The following CREBBP variants were observed in gnomAD, a reference collection of about 807,000 sequenced individuals.
CREBBP encodes the protein CREB binding lysine acetyltransferase.
CREBBP carries 19 observed loss-of-function variants against 265.0 expected under a neutral mutation model. The ratio of observed to expected loss-of-function variants is 0.07; its 90% CI spans 0.05 to 0.11. The LOEUF (loss-of-function observed/expected upper bound fraction) is 0.11, where lower values mean the gene tolerates loss of function less well. Ranked by LOEUF, CREBBP falls within the 10% of genes least tolerant of loss-of-function variation. The pLI is 1.00. For missense variants in CREBBP, 2,525 were observed against 3,219.0 expected (o/e 0.78, Z 5.22); for synonymous variants, 1,457 against 1,223.7 (o/e 1.19, Z -3.98).
chr16:3,780,313 C>T (rs911051432), intron 8 of CREBBP, among the ~76,000 whole-genome samples: 2 of 150,380 alleles, frequency 1.3e-5, no homozygotes, highest in Admixed American at 1.3e-4. Context: ...GTGATAATGA[C>T]ATGCCATCTA....
intron 21 of CREBBP, among the ~76,000 whole-genome samples, chr16:3,746,515 A>G (rs1179213373): frequency 6.6e-6 from 1 of 152,004 alleles, no homozygotes; most frequent in African/African-American, 2.4e-5. Context: ...GTCTTTGACA[A>G]CTCAGCCACT....
At chr16:3,863,941 A>G (rs796265095) in intron 1 of CREBBP, among the ~76,000 whole-genome samples, 4 of 152,286 alleles carry the variant, frequency 2.6e-5, no homozygotes, top group African/African-American at 9.6e-5. Context: ...GTTTACCACC[A>G]CCACAGCTGA....
chr16:3,789,982 G>A (rs970945312), intron 5 of CREBBP, among the ~76,000 whole-genome samples: 3 of 151,956 alleles, frequency 2.0e-5, no homozygotes, highest in African/African-American at 7.3e-5. Context: ...AACTGTCATG[G>A]TAGTATGTAC....
intron 14 of CREBBP, 44 bp from the exon 15 acceptor site, chr16:3,769,397 A>G: frequency 6.2e-7 from 1 of 1,610,338 alleles, no homozygotes; most frequent in Admixed American, 1.7e-5. Flanking sequence ...GCAAGGTAAC[A>G]TAAATGATCT....
rs1247549663 is a variant in CREBBP, at chr16:3,769,373, A to G, written c.2881-20T>C. 3 of 1,614,158 alleles carry G rather than the reference A, an allele frequency of 1.9e-6. No homozygotes were observed. The highest frequency in any genetic ancestry group is 2.2e-5 in the East Asian group (1 of 44,890). Reference sequence around the variant, plus strand: ...GGAAAGCTGTGAAAAAACCGAAAGCACTGACTTCAGTAAGCAAGGTAACAT... The same window carrying G: ...GGAAAGCTGTGAAAAAACCGAAAGCGCTGACTTCAGTAAGCAAGGTAACAT... On this transcript the variant is annotated intron_variant, in intron 14 of 30. Coordinates refer to ENST00000262367, the MANE Select transcript of CREBBP (RefSeq NM_004380.3).
intron 23 of CREBBP, chr16:3,743,686 T>A (rs1367893823): frequency 6.6e-6 from 1 of 152,232 alleles, no homozygotes; most frequent in Non-Finnish European, 1.5e-5. Context: ...AAGGCCAGCC[T>A]GGCGCGTCAA....
intron 2 of CREBBP, among the ~76,000 whole-genome samples, chr16:3,817,060 G>A (rs2054050089): frequency 6.6e-6 from 1 of 152,332 alleles, no homozygotes; most frequent in Admixed American, 6.5e-5. Flanking sequence ...GGAGTGGACA[G>A]CTACTTTCCC....
chr16:3,779,156 G>T (rs1442089069), intron 8 of CREBBP, among the ~76,000 whole-genome samples: 1 of 148,546 alleles, frequency 6.7e-6, no homozygotes, highest in Non-Finnish European at 1.5e-5. Context: ...GACAGAGTCA[G>T]ACTCCATACC....
At chr16:3,832,957 T>C (rs2054371965) in intron 2 of CREBBP, among the ~76,000 whole-genome samples, 1 of 151,696 alleles carries the variant, frequency 6.6e-6, no homozygotes, top group African/African-American at 2.4e-5. Context: ...AATTCAGTAA[T>C]CGCTTATGAT....
chr16:3,761,869 T>C (rs577048351), intron 16 of CREBBP, among the ~76,000 whole-genome samples: 16 of 152,356 alleles, frequency 1.1e-4, no homozygotes, highest in East Asian at 1.9e-4. Context: ...AAAACAATTA[T>C]GTAACAAATA....
intron 2 of CREBBP, among the ~76,000 whole-genome samples, chr16:3,841,449 G>GGT (rs1280547659): frequency 6.6e-6 from 1 of 151,898 alleles, no homozygotes; most frequent in African/African-American, 2.4e-5. Flanking sequence ...TACAAATAAA[G>GGT]GTGTATATAA....
intron 5 of CREBBP, 87 bp downstream of exon 5, chr16:3,791,893 CT>C (rs2053516237): frequency 8.7e-7 from 1 of 1,153,288 alleles, no homozygotes. Flanking sequence ...CTCATAACCC[CT>C]GCCCACTCCC....
chr16:3,784,193 C>A (rs1002586961), intron 5 of CREBBP, among the ~76,000 whole-genome samples: 2 of 152,176 alleles, frequency 1.3e-5, no homozygotes, highest in African/African-American at 4.8e-5. Flanking sequence ...AATATTCTCA[C>A]ATTCAACCAT....
intron 13 of CREBBP, among the ~76,000 whole-genome samples, chr16:3,772,904 T>A (rs2053047299): frequency 1.2e-5 from 1 of 84,002 alleles, no homozygotes. Flanking sequence ...ATCCCGTCTC[T>A]ACTAAAAATA....
intron 3 of CREBBP, among the ~76,000 whole-genome samples, chr16:3,802,787 C>G (rs1034679485): frequency 6.6e-6 from 1 of 152,118 alleles, no homozygotes; most frequent in Non-Finnish European, 1.5e-5. Flanking sequence ...GCTGCTCGTC[C>G]TCAACCTTCC....
chr16:3,827,724 T>C (rs1314274688), intron 2 of CREBBP, among the ~76,000 whole-genome samples: 1 of 152,054 alleles, frequency 6.6e-6, no homozygotes, highest in Non-Finnish European at 1.5e-5. Context: ...ACAGGGTCTC[T>C]CTGTAGCCCA....
intron 2 of CREBBP, among the ~76,000 whole-genome samples, chr16:3,832,103 A>G (rs912689728): frequency 3.3e-5 from 5 of 152,178 alleles, no homozygotes; most frequent in African/African-American, 4.8e-5. Context: ...ACTCAAAAAT[A>G]CAAATTACCA....
chr16:3,766,501 AAATGAACT>A (rs571415793), intron 16 of CREBBP, among the ~76,000 whole-genome samples: 1 of 152,290 alleles, frequency 6.6e-6, no homozygotes, highest in South Asian at 2.1e-4. Flanking sequence ...AGACTATTTT[AAATGAACT>A]AAATATTTAA....
rs1291986650 is a variant in CREBBP at position 3,879,221 on chromosome 16, AAC to A, written c.85+609_85+610del. Among the ~76,000 whole-genome samples the A allele has an allele frequency of 4.0e-4, 36 of 89,406 alleles. No homozygotes were observed. The Middle Eastern group carries it at 0.016, about 40-fold the overall frequency. 58.7% of individuals were successfully genotyped at this position (89,406 alleles called of 152,430 possible). On this transcript the variant is annotated intron_variant, in intron 1 of 30. Transcript: ENST00000262367. Reference sequence around the variant, plus strand: ...AAAATGGAATGACTAGTTGACTAAAAACACACACGCGCGCACACACACACACA... The same window carrying A: ...AAAATGGAATGACTAGTTGACTAAAAACACACGCGCGCACACACACACACA...
Sources: allele counts gnomAD v4.1 joint callset (sites outside exome capture counted in the v4.1 genomes callset), GRCh38; gene constraint gnomAD v4.1.1; transcripts MANE v1.5; gene names NCBI Gene and HGNC (gene_info 2026-07-23, HGNC 2026-07-21).